ZZZ3: variants seen among roughly 807,000 people sequenced by gnomAD.
The protein encoded by ZZZ3 is zinc finger ZZ-type containing 3, also known as ZZ-type zinc finger-containing protein 3.
Under a neutral mutation model 95.2 loss-of-function variants are expected in ZZZ3, and 22 were observed. The observed-to-expected ratio is 0.23, with a 90% CI of 0.17 to 0.33. The LOEUF is 0.33. ZZZ3 is among the 10% of genes least tolerant of loss of function. ZZZ3 has a pLI of 1.00. For synonymous variants in ZZZ3, 335 were observed against 358.9 expected (o/e 0.93, Z 0.75); for missense variants, 885 against 1,066.5 (o/e 0.83, Z 2.37).
intron 5 of ZZZ3, among the ~76,000 whole-genome samples, chr1:77,604,864 C>T (rs544564011): frequency 3.3e-5 from 5 of 152,092 alleles, no homozygotes; most frequent in South Asian, 4.1e-4. Context: ...CTCCATTATC[C>T]ATTTATACAC....
At chr1:77,675,070 A>AGT (rs1672137358) in intron 1 of ZZZ3, among the ~76,000 whole-genome samples, 1 of 152,120 alleles carries the variant, frequency 6.6e-6, no homozygotes, top group African/African-American at 2.4e-5. Flanking sequence ...AATATAGAGA[A>AGT]GTATTACATC....
At chr1:77,634,798 C>T (rs1338080268) in intron 4 of ZZZ3, among the ~76,000 whole-genome samples, 1 of 152,070 alleles carries the variant, frequency 6.6e-6, no homozygotes, top group African/African-American at 2.4e-5. Flanking sequence ...CAGAGGCTCT[C>T]CCATCAAGCA....
chr1:77,595,937 G>A (rs151080687), intron 5 of ZZZ3, among the ~76,000 whole-genome samples: 118 of 152,114 alleles, frequency 7.8e-4, no homozygotes, highest in African/African-American at 2.0e-3. Flanking sequence ...TACTTGCTAC[G>A]TAGAAAAGAG....
chr1:77,632,684 G>A lies in ZZZ3; in HGVS notation c.671C>T (p.Thr224Ile), dbSNP rs751589104. The change falls in exon 5 of 15, where the codon ACT becomes ATT. Residue 224 changes from threonine (T) to isoleucine (I), a missense_variant. This residue lies in a region of ZZZ3 where 556 missense variants were observed against 652.9 expected (regional missense o/e 0.85). Coordinates refer to ENST00000370801, the MANE Select transcript of ZZZ3 (RefSeq NM_015534.6). ...NCDDCQPDGN[T>I]KQNSIGSYVL... ...ATAGGAACCAATGCTATTTTGTTTA[G>A]TGTTCCCATCAGGCTGACAGTCATC... 1 of 1,614,122 alleles carries A rather than the reference G, an allele frequency of 6.2e-7. No homozygotes were observed. The highest frequency in any genetic ancestry group is 1.1e-5 in the South Asian group (1 of 91,084).
chr1:77,578,898 C>T (rs769962744), intron 10 of ZZZ3, 29 bp from the exon 11 acceptor site: 1 of 1,420,868 alleles, frequency 7.0e-7, no homozygotes, highest in Non-Finnish European at 9.4e-7. Context: ...TCTCTTAACA[C>T]AATGAGATGA....
At chr1:77,665,985 G>A (rs955905128) in intron 1 of ZZZ3, among the ~76,000 whole-genome samples, 1 of 152,182 alleles carries the variant, frequency 6.6e-6, no homozygotes, top group Non-Finnish European at 1.5e-5. Flanking sequence ...AGGGTGCCGT[G>A]AGCCGAGATT....
intron 1 of ZZZ3, among the ~76,000 whole-genome samples, chr1:77,662,647 C>T (rs746362056): frequency 5.9e-5 from 9 of 152,066 alleles, no homozygotes; most frequent in Admixed American, 2.0e-4. Flanking sequence ...GAGGCCAGGC[C>T]GGACATGGTG....
At chr1:77,588,722 A>C (rs1229514593) in intron 5 of ZZZ3, among the ~76,000 whole-genome samples, 1 of 152,212 alleles carries the variant, frequency 6.6e-6, no homozygotes, top group East Asian at 1.9e-4. Flanking sequence ...TCAAAAAAAA[A>C]ATTACACATA....
At chr1:77,588,723 A>G (rs182800658) in intron 5 of ZZZ3, among the ~76,000 whole-genome samples, 42 of 152,252 alleles carry the variant, frequency 2.8e-4, no homozygotes, top group African/African-American at 9.6e-4. Context: ...CAAAAAAAAA[A>G]TTACACATAT....
chr1:77,593,293 A>T (rs1451662873), intron 5 of ZZZ3, among the ~76,000 whole-genome samples: 1 of 152,220 alleles, frequency 6.6e-6, no homozygotes, highest in Non-Finnish European at 1.5e-5. Context: ...TTGAATATAC[A>T]CAGTATAAGA....
intron 1 of ZZZ3, among the ~76,000 whole-genome samples, chr1:77,646,081 T>C (rs1400009091): frequency 1.3e-5 from 2 of 152,204 alleles, no homozygotes; most frequent in Non-Finnish European, 2.9e-5. Flanking sequence ...TACACCCTTT[T>C]AGAAATCCTA....
chr1:77,572,012 G>T (rs1387703334), intron 12 of ZZZ3, among the ~76,000 whole-genome samples: 2 of 152,154 alleles, frequency 1.3e-5, no homozygotes, highest in African/African-American at 4.8e-5. Context: ...ACTTAAAGGG[G>T]ACTAATATCA....
chr1:77,587,353 C>T (rs1044544114), intron 5 of ZZZ3, among the ~76,000 whole-genome samples: 11 of 145,652 alleles, frequency 7.6e-5, no homozygotes, highest in Non-Finnish European at 4.5e-5. Context: ...CAAGCTCTGC[C>T]TCCCGGGTTC....
intron 1 of ZZZ3, among the ~76,000 whole-genome samples, chr1:77,647,489 A>T (rs2100942190): frequency 6.6e-6 from 1 of 152,068 alleles, no homozygotes; most frequent in Admixed American, 6.5e-5. Context: ...ACTGCACTCC[A>T]GCCAGGCCAA....
chr1:77,640,461 A>C (rs548810823), intron 3 of ZZZ3, among the ~76,000 whole-genome samples: 3 of 151,974 alleles, frequency 2.0e-5, no homozygotes, highest in Non-Finnish European at 4.4e-5. Flanking sequence ...TTAGCTGGGC[A>C]TGGTGGTGTG....
At chr1:77,633,978 T>G (rs1353185368) in intron 4 of ZZZ3, among the ~76,000 whole-genome samples, 1 of 152,120 alleles carries the variant, frequency 6.6e-6, no homozygotes. Flanking sequence ...AAGACCAGCC[T>G]GACCAACATG....
intron 1 of ZZZ3, among the ~76,000 whole-genome samples, chr1:77,661,424 A>C (rs72938007): frequency 0.015 from 2,243 of 151,968 alleles, 19 homozygotes; most frequent in Middle Eastern, 0.052. Flanking sequence ...AAACCAAAAC[A>C]AAAACAAAAA....
At chr1:77,595,023 T>C (rs1664091781) in intron 5 of ZZZ3, among the ~76,000 whole-genome samples, 1 of 151,346 alleles carries the variant, frequency 6.6e-6, no homozygotes, top group Non-Finnish European at 1.5e-5. Context: ...TTATTTGTAA[T>C]ATTATCTTGA....
chr1:77,648,026 A>C (rs553509433), intron 1 of ZZZ3, among the ~76,000 whole-genome samples: 1 of 152,184 alleles, frequency 6.6e-6, no homozygotes, highest in African/African-American at 2.4e-5. Context: ...ATCCAGCTCC[A>C]AACAAGGTAA....
Sources: gnomAD v4.1 joint callset for allele counts (sites outside exome capture counted in the v4.1 genomes callset) on GRCh38, gnomAD v4.1.1 for gene constraint, gnomAD v4.1.1 regional missense constraint, MANE v1.5 for transcripts, NCBI Gene and HGNC (gene_info 2026-07-23, HGNC 2026-07-21) for gene names.